PALS2: variants seen among roughly 807,000 people sequenced by gnomAD.
PALS2 encodes the protein protein PALS2.
A neutral mutation model predicts 61.6 loss-of-function variants in PALS2; 27 were observed. The ratio of observed to expected loss-of-function variants is 0.44; its 90% CI spans 0.32 to 0.60. The LOEUF is 0.60. Ranked by LOEUF, PALS2 falls within the 20% of genes least tolerant of loss-of-function variation. The pLI is 0.05. For synonymous variants in PALS2, 236 were observed against 218.6 expected (o/e 1.08, Z -0.70); for missense variants, 554 against 639.4 (o/e 0.87, Z 1.44).
At chr7:24,620,256 A>G (rs1474907627) in intron 1 of PALS2, 1 of 152,164 alleles carries the variant, frequency 6.6e-6, no homozygotes, top group Non-Finnish European at 1.5e-5. Context: ...CTAAGTTGGG[A>G]TTAGGCCCAT....
chr7:24,629,169 G>A (rs1193988784), intron 2 of PALS2, among the ~76,000 whole-genome samples: 2 of 152,032 alleles, frequency 1.3e-5, no homozygotes, highest in African/African-American at 2.4e-5. Context: ...CAGGACAGAG[G>A]CCTCAGAAAT....
chr7:24,662,133 C>T (rs1287303442), intron 5 of PALS2, among the ~76,000 whole-genome samples: 1 of 152,134 alleles, frequency 6.6e-6, no homozygotes, highest in Non-Finnish European at 1.5e-5. Context: ...TAATATTTAG[C>T]TTTTCTAGAG....
chr7:24,599,057 A>G (rs899443030), intron 1 of PALS2, among the ~76,000 whole-genome samples: 1 of 152,214 alleles, frequency 6.6e-6, no homozygotes, highest in Non-Finnish European at 1.5e-5. Context: ...CACTTAACAA[A>G]GGGGATACAT....
chr7:24,676,389 A>G (rs1277905115), intron 9 of PALS2, among the ~76,000 whole-genome samples: 2 of 151,344 alleles, frequency 1.3e-5, no homozygotes, highest in Non-Finnish European at 2.9e-5. Flanking sequence ...ATTAGATCCC[A>G]TTTGTCAATT....
Position 24,587,359 on chromosome 7 carries a change from TAGTA to T in PALS2, c.-3+13769_-3+13772del, listed in dbSNP as rs1236242521. Among the ~76,000 whole-genome samples the T allele has an allele frequency of 9.9e-5, 15 of 152,014 alleles. 1 individual carries two copies. In the East Asian group the frequency reaches 2.9e-3, roughly 29 times the overall value. ...GGAACTGAGAAAATAAAGATACTAATAGTAAGGAATATGTTATTTTTAATTTAAA... is the reference window on the plus strand; with the variant it reads ...GGAACTGAGAAAATAAAGATACTAATAGGAATATGTTATTTTTAATTTAAA... On this transcript the variant is annotated intron_variant, in intron 1 of 11. Coordinates refer to ENST00000222644, the MANE Select transcript of PALS2 (RefSeq NM_001303037.2).
chr7:24,657,862 G>A (rs953330305), intron 5 of PALS2, among the ~76,000 whole-genome samples: 1 of 152,092 alleles, frequency 6.6e-6, no homozygotes, highest in African/African-American at 2.4e-5. Flanking sequence ...TACGTGTACT[G>A]TATGTTAATT....
chr7:24,660,387 G>T (rs1006465514), intron 5 of PALS2, among the ~76,000 whole-genome samples: 1 of 151,970 alleles, frequency 6.6e-6, no homozygotes, highest in Non-Finnish European at 1.5e-5. Context: ...TCATTCATAT[G>T]CAAGTAAATA....
intron 2 of PALS2, among the ~76,000 whole-genome samples, chr7:24,635,144 G>A (rs13244368): frequency 0.11 from 16,236 of 152,172 alleles, 1,451 homozygotes; most frequent in East Asian, 0.47. Flanking sequence ...CATTGAATCC[G>A]TAGTTCGTTC....
intron 4 of PALS2, 35 bp downstream of exon 4, chr7:24,649,799 G>T (rs1352590624): frequency 6.7e-6 from 10 of 1,485,302 alleles, no homozygotes; most frequent in Non-Finnish European, 7.2e-6. Context: ...TATTAAATCT[G>T]AAATATGACA....
chr7:24,601,938 C>A (rs980443785), intron 1 of PALS2, among the ~76,000 whole-genome samples: 1 of 152,000 alleles, frequency 6.6e-6, no homozygotes, highest in African/African-American at 2.4e-5. Flanking sequence ...TTGCTGGGTG[C>A]TCAGTGTACT....
intron 1 of PALS2, among the ~76,000 whole-genome samples, chr7:24,591,904 A>C (rs1268442177): frequency 2.0e-5 from 3 of 152,144 alleles, no homozygotes; most frequent in Non-Finnish European, 4.4e-5. Flanking sequence ...GAGCCTTTTC[A>C]TGATAAAGAA....
rs996199211 is a variant in PALS2, at chr7:24,691,505, T to G, written c.*3891T>G. 6.7e-6 allele frequency: 1 copy of G among 149,314 alleles called. No individual in the cohort carries two copies. The highest frequency in any genetic ancestry group is 1.5e-5 in the Non-Finnish European group (1 of 67,248). The allele number at this position is 149,314 out of a possible 1,614,324, so 9.2% of individuals were successfully genotyped here. On this transcript the variant is annotated 3_prime_UTR_variant, in exon 12 of 12. Coordinates refer to ENST00000222644, the MANE Select transcript of PALS2 (RefSeq NM_001303037.2). ...ATGTATGAATATAAAACTGAATGTA[T>G]TCATTCATGTAATTATAACTAGCAT...
At chr7:24,619,087 T>C (rs956616447) in intron 1 of PALS2, among the ~76,000 whole-genome samples, 2 of 152,220 alleles carry the variant, frequency 1.3e-5, no homozygotes, top group African/African-American at 4.8e-5. Flanking sequence ...TTTCCTTTTA[T>C]TCGTTTCTGG....
At chr7:24,671,492 T>G (rs374974382) in intron 9 of PALS2, among the ~76,000 whole-genome samples, 1 of 152,330 alleles carries the variant, frequency 6.6e-6, no homozygotes, top group South Asian at 2.1e-4. Context: ...TTCTCGTGTT[T>G]TTGATGGTGT....
rs61073575 is a variant in PALS2 at position 24,639,814 on chromosome 7, A to ATTTT, written c.118-1881_118-1878dup. On this transcript the variant is annotated intron_variant, in intron 2 of 11. Coordinates refer to ENST00000222644, the MANE Select transcript of PALS2 (RefSeq NM_001303037.2). Reference sequence around the variant, plus strand: ...ATTTTTTGTGGCATTTTCTAGTCTAATTTTTTTTTTTTTTTTTTTTTTTTG... The same window carrying ATTTT: ...ATTTTTTGTGGCATTTTCTAGTCTAATTTTTTTTTTTTTTTTTTTTTTTTTTTTG... 3.1e-3 allele frequency among the ~76,000 whole-genome samples: 299 copies of ATTTT among 96,232 alleles called. 10 individuals are homozygous for ATTTT. Among genetic ancestry groups the ATTTT allele is most frequent in the African/African-American group, 0.011 (246 of 22,022 alleles). The allele number at this position is 96,232 out of a possible 152,430, so 63.1% of individuals were successfully genotyped here.
At chr7:24,680,858 A>C (rs1446984585) in intron 11 of PALS2, among the ~76,000 whole-genome samples, 1 of 152,184 alleles carries the variant, frequency 6.6e-6, no homozygotes, top group African/African-American at 2.4e-5. Flanking sequence ...GGCCTCCCAA[A>C]GTGCTAGAAC....
chr7:24,575,341 CAG>C (rs1053977631), intron 1 of PALS2, among the ~76,000 whole-genome samples: 8 of 151,900 alleles, frequency 5.3e-5, no homozygotes, highest in African/African-American at 1.9e-4. Context: ...CTATATAAGA[CAG>C]AATCTTTTTT....
intron 10 of PALS2, among the ~76,000 whole-genome samples, chr7:24,679,760 C>A (rs952344932): frequency 4.6e-5 from 7 of 152,138 alleles, no homozygotes; most frequent in Admixed American, 2.0e-4. Context: ...GTCACCTACC[C>A]CTTCCCACTC....
In PALS2 at chr7:24,653,551, T is replaced by C. The variant is rs550119043; in HGVS notation, c.651+2839T>C. Among the ~76,000 whole-genome samples, 8 of 152,288 alleles carry C rather than the reference T, an allele frequency of 5.3e-5. No individual in the cohort carries two copies. The South Asian group carries it at 1.7e-3, about 32-fold the overall frequency. On this transcript the variant is annotated intron_variant, in intron 5 of 11. Transcript: ENST00000222644. ...AATTTCCACTCACGAAATTCCACTT[T>C]CGTTTTCATTATAAAATGAAAAAGC...
Sources: allele counts gnomAD v4.1 joint callset (sites outside exome capture counted in the v4.1 genomes callset), GRCh38; gene constraint gnomAD v4.1.1; transcripts MANE v1.5; gene names NCBI Gene and HGNC (gene_info 2026-07-23, HGNC 2026-07-21).